DCAF6: variants seen among roughly 807,000 people sequenced by gnomAD.
DCAF6 encodes DDB1- and CUL4-associated factor 6.
DCAF6 carries 54 observed loss-of-function variants against 125.1 expected under a neutral mutation model. The observed-to-expected ratio is 0.43, with a 90% CI of 0.35 to 0.54. The LOEUF (loss-of-function observed/expected upper bound fraction) is 0.54, where lower values mean the gene tolerates loss of function less well. Ranked by LOEUF, DCAF6 falls within the 20% of genes least tolerant of loss-of-function variation. The pLI is 0.01. For synonymous variants in DCAF6, 371 were observed against 390.4 expected, an observed-to-expected ratio of 0.95 and a Z score of 0.58; for missense variants, 934 against 1,161.7, an observed-to-expected ratio of 0.80 and a Z score of 2.85.
chr1:167,975,027 TTA>T lies in DCAF6; in HGVS notation c.438+14_438+15del. ...GAACTACTTATGAGGTATGGTATTA[TTA>T]TGATTATATGATATATATGTAAGTA... On this transcript the variant is annotated intron_variant, in intron 4 of 21. Transcript: ENST00000367840. 6.5e-7 allele frequency: 1 copy of T among 1,534,946 alleles called. No homozygotes were observed. Among genetic ancestry groups the T allele is most frequent in the Non-Finnish European group, 8.8e-7 (1 of 1,136,546 alleles).
the DCAF6 span, chr1:167,878,533 T>C: frequency 5.0e-6 from 8 of 1,614,162 alleles, no homozygotes; most frequent in East Asian, 1.6e-4. Context: ...TTTAAAAAAG[T>C]ACGCTGGTAG....
Position 168,044,609 on chromosome 1 carries a change from A to G in DCAF6, c.1868A>G (p.Asp623Gly), listed in dbSNP as rs143798431. Residue 623 changes from aspartate to glycine, a missense_variant, in exon 15 of 22, where the codon GAT (aspartate) becomes GGT (glycine). Physicochemically the swap from Asp to Gly is moderately conservative, Grantham distance 94. Transcript: ENST00000367840. ...GAAGCTCCTGAAGAATCATCAGAGG[A>G]TGTGACAAAATATCAGGAAGGAGTA... ...ETKAPEESSEDVTKYQEGVSA... is the reference protein window; with the variant it reads ...ETKAPEESSEGVTKYQEGVSA... 1.0e-4 allele frequency: 165 copies of G among 1,612,910 alleles called. 1 individual carries two copies. In the African/African-American group the frequency reaches 1.9e-3, roughly 19 times the overall value.
chr1:168,075,477 A>G lies in DCAF6; in HGVS notation c.*42A>G, dbSNP rs1693699031. On this transcript the variant is annotated 3_prime_UTR_variant, in exon 22 of 22. Transcript: ENST00000367840. ...AGCACTTAAATGTTCTGAAATTTGTATAAGACATTTATTATATTTTTTTCT... is the reference window on the plus strand; with the variant it reads ...AGCACTTAAATGTTCTGAAATTTGTGTAAGACATTTATTATATTTTTTTCT... 4.0e-6 allele frequency: 6 copies of G among 1,506,148 alleles called. No homozygotes were observed. The highest frequency in any genetic ancestry group is 1.4e-5 in the African/African-American group (1 of 69,854). The allele number at this position is 1,506,148 out of a possible 1,614,324, so 93.3% of individuals were successfully genotyped here.
chr1:167,974,800 A>G, intron 3 of DCAF6, 30 bp from the exon 4 acceptor site: 4 of 1,446,530 alleles, frequency 2.8e-6, no homozygotes, highest in Non-Finnish European at 3.7e-6. Flanking sequence ...ATAATAAGTT[A>G]CCATTAACTG....
chr1:167,988,653 CA>C lies in DCAF6; in HGVS notation c.552+1055del, dbSNP rs35980143. Reference sequence around the variant, plus strand: ...CAAAATATGTTTTTACTGAAAGTTACAAAAAAAAAAGGTACTACTGTTAATC... The same window carrying C: ...CAAAATATGTTTTTACTGAAAGTTACAAAAAAAAAGGTACTACTGTTAATC... On this transcript the variant is annotated intron_variant, in intron 5 of 21. Coordinates refer to ENST00000367840, the MANE Select transcript of DCAF6 (RefSeq NM_001198956.2). 3.0e-4 allele frequency among the ~76,000 whole-genome samples: 43 copies of C among 143,312 alleles called. 1 individual carries two copies. Among genetic ancestry groups the C allele is most frequent in the Middle Eastern group, 3.5e-3 (1 of 284 alleles). 94.0% of individuals were successfully genotyped at this position (143,312 alleles called of 152,430 possible). A position where few individuals can be genotyped will look rare whatever the true frequency, so the allele number is the denominator to read the frequency against.
At chr1:167,951,707 C>T in intron 1 of DCAF6, 93 bp from the exon 2 acceptor site, 1 of 792,636 alleles carries the variant, frequency 1.3e-6, no homozygotes, top group Non-Finnish European at 2.1e-6. Flanking sequence ...CATGAATTTA[C>T]TTTTCATGCC....
At chr1:167,924,556 G>C in the DCAF6 span, 14 of 1,484,288 alleles carry the variant, frequency 9.4e-6, no homozygotes, top group East Asian at 3.4e-4. Flanking sequence ...AAAAAGAAAA[G>C]AAAAATTCAG....
In DCAF6 at chr1:167,993,261, G is replaced by T. The variant is rs143999777; in HGVS notation, c.724G>T (p.Ala242Ser). The stretch of plus-strand genomic sequence containing the variant: ...AGGTCGAGGGACTACTGGAATGGTT[G>T]CCCGTTTTATTCCTTCCCATCTTAA... The part of the protein sequence containing the change: ...YAGRGTTGMV[A>S]RFIPSHLNNK... The change falls in exon 7 of 22, where the codon GCC becomes TCC. Residue 242 changes from alanine (A) to serine (S), a missense_variant. Ala to Ser is a moderately conservative substitution (Grantham distance 99). This residue lies in a region of DCAF6 where 309 missense variants were observed against 381.2 expected (regional missense o/e 0.81). Transcript: ENST00000367840. The T allele has an allele frequency of 3.0e-3, 4,915 of 1,613,998 alleles. 7 individuals carry two copies. The highest frequency in any genetic ancestry group is 3.6e-3 in the Non-Finnish European group (4,220 of 1,179,918).
the DCAF6 span, among the ~76,000 whole-genome samples, chr1:167,902,325 G>A: frequency 6.6e-6 from 1 of 152,274 alleles, no homozygotes; most frequent in East Asian, 1.9e-4. Flanking sequence ...TTCTGATGAG[G>A]TCTGAAGACA....
chr1:168,011,428 A>G (rs1684269510), intron 10 of DCAF6, among the ~76,000 whole-genome samples: 1 of 152,136 alleles, frequency 6.6e-6, no homozygotes, highest in South Asian at 2.1e-4. Context: ...GAATTTTTTA[A>G]AGATAGCATA....
At chr1:167,976,421 A>G (rs1289719661) in intron 4 of DCAF6, among the ~76,000 whole-genome samples, 2 of 152,210 alleles carry the variant, frequency 1.3e-5, no homozygotes, top group Non-Finnish European at 2.9e-5. Context: ...GCAGTCAGCC[A>G]AGACTGCGCT....
the DCAF6 span, among the ~76,000 whole-genome samples, chr1:167,863,902 G>C: frequency 6.6e-6 from 1 of 152,156 alleles, no homozygotes; most frequent in Non-Finnish European, 1.5e-5. Context: ...ATCACCCACG[G>C]CGTGCCTTTA....
At chr1:167,939,222 G>T (rs1671854042) in intron 1 of DCAF6, among the ~76,000 whole-genome samples, 1 of 152,120 alleles carries the variant, frequency 6.6e-6, no homozygotes, top group South Asian at 2.1e-4. Context: ...ATCCACATTG[G>T]TAATGTTTGA....
intron 3 of DCAF6, among the ~76,000 whole-genome samples, chr1:167,974,412 C>A (rs1677822147): frequency 6.6e-6 from 1 of 152,070 alleles, no homozygotes; most frequent in Non-Finnish European, 1.5e-5. Context: ...TGTACCATTT[C>A]ATTACTTTGA....
chr1:168,039,592 AAT>A (rs1688238450), intron 13 of DCAF6, among the ~76,000 whole-genome samples: 1 of 148,032 alleles, frequency 6.8e-6, no homozygotes, highest in African/African-American at 2.4e-5. Context: ...CTTAATATAT[AAT>A]ATAGTTGTAT....
chr1:167,896,712 A>G, the DCAF6 span: 132 of 1,499,794 alleles, frequency 8.8e-5, no homozygotes, highest in Admixed American at 1.2e-4. Flanking sequence ...GCAAATGAGA[A>G]GTTTTCAGTT....
At chr1:167,876,177 A>T in the DCAF6 span, among the ~76,000 whole-genome samples, 2 of 151,542 alleles carry the variant, frequency 1.3e-5, no homozygotes, top group African/African-American at 4.8e-5. Flanking sequence ...GAATCGCTTG[A>T]ACCCAAGAGA....
intron 13 of DCAF6, among the ~76,000 whole-genome samples, chr1:168,039,300 T>TA (rs1688203711): frequency 6.6e-6 from 1 of 151,918 alleles, no homozygotes; most frequent in Non-Finnish European, 1.5e-5. Flanking sequence ...TTTATTTATT[T>TA]TTAACTTCTA....
intron 4 of DCAF6, among the ~76,000 whole-genome samples, chr1:167,984,528 G>A (rs933938234): frequency 3.3e-5 from 5 of 151,676 alleles, no homozygotes; most frequent in African/African-American, 1.2e-4. Flanking sequence ...AGTATACAAA[G>A]CAGAAGTGAT....
Sources: gnomAD v4.1 joint callset for allele counts (sites outside exome capture counted in the v4.1 genomes callset) on GRCh38, gnomAD v4.1.1 for gene constraint, gnomAD v4.1.1 regional missense constraint, MANE v1.5 for transcripts, NCBI Gene and HGNC (gene_info 2026-07-23, HGNC 2026-07-21) for gene names.